NCOA2: variants seen among roughly 807,000 people sequenced by gnomAD.
NCOA2 encodes nuclear receptor coactivator 2, also known as class E basic helix-loop-helix protein 75.
In NCOA2, 21 loss-of-function variants were observed where a neutral mutation model predicts 145.1. That is an observed-to-expected ratio of 0.14 (90% confidence interval 0.10 to 0.21). NCOA2 has a LOEUF of 0.21. NCOA2 is among the 10% of genes least tolerant of loss of function. NCOA2 has a pLI of 1.00. For missense variants in NCOA2, 1,472 were observed against 1,837.6 expected (o/e 0.80, Z 3.64); for synonymous variants, 619 against 637.5 (o/e 0.97, Z 0.44).
chr8:70,129,693 C>T (rs552541965), intron 16 of NCOA2, among the ~76,000 whole-genome samples: 36 of 151,580 alleles, frequency 2.4e-4, no homozygotes, highest in Middle Eastern at 3.4e-3. Context: ...TTTTTTGAGA[C>T]GGAGTTTCGC....
chr8:70,438,419 A>C, the NCOA2 span, among the ~76,000 whole-genome samples: 1 of 151,922 alleles, frequency 6.6e-6, no homozygotes, highest in Non-Finnish European at 1.5e-5. Flanking sequence ...AAATTATCTT[A>C]TTTTACTTGG....
chr8:70,334,932 T>C (rs1305286446), intron 1 of NCOA2, among the ~76,000 whole-genome samples: 1 of 151,820 alleles, frequency 6.6e-6, no homozygotes, highest in Non-Finnish European at 1.5e-5. Context: ...GAGACCAGCC[T>C]GACCGACACG....
the NCOA2 span, among the ~76,000 whole-genome samples, chr8:70,450,570 A>ACTCTTTTT: frequency 3.3e-4 from 20 of 61,134 alleles, no homozygotes; most frequent in Non-Finnish European, 5.6e-4. Context: ...ACTTCTTTTT[A>ACTCTTTTT]TTCTTTTTTT....
intron 3 of NCOA2, among the ~76,000 whole-genome samples, chr8:70,214,450 T>A (rs1682812910): frequency 6.6e-6 from 1 of 152,214 alleles, no homozygotes; most frequent in African/African-American, 2.4e-5. Context: ...TTAAAATTTA[T>A]TTAAGATTAG....
intron 2 of NCOA2, among the ~76,000 whole-genome samples, chr8:70,224,549 G>C (rs762865981): frequency 8.6e-5 from 13 of 151,924 alleles, no homozygotes; most frequent in Non-Finnish European, 1.9e-4. Context: ...TCCAATTTCT[G>C]TTTATTTAAA....
intron 2 of NCOA2, among the ~76,000 whole-genome samples, chr8:70,279,013 C>T (rs1172846613): frequency 6.6e-6 from 1 of 151,996 alleles, no homozygotes; most frequent in Non-Finnish European, 1.5e-5. Flanking sequence ...CTGTATCAAT[C>T]CGTCAATGAA....
intron 1 of NCOA2, among the ~76,000 whole-genome samples, chr8:70,299,837 T>G (rs1827361229): frequency 6.6e-6 from 1 of 152,214 alleles, no homozygotes; most frequent in Non-Finnish European, 1.5e-5. Context: ...TGAATGGAAA[T>G]GTTCACAGCA....
chr8:70,309,158 G>T (rs1297309971), intron 1 of NCOA2, among the ~76,000 whole-genome samples: 1 of 152,060 alleles, frequency 6.6e-6, no homozygotes, highest in Non-Finnish European at 1.5e-5. Flanking sequence ...TAAATGCCCA[G>T]CCAGGCCCCA....
intron 1 of NCOA2, among the ~76,000 whole-genome samples, chr8:70,312,652 C>T (rs1052113658): frequency 2.6e-5 from 4 of 151,974 alleles, no homozygotes; most frequent in African/African-American, 9.7e-5. Flanking sequence ...ATAATTTTTC[C>T]TTATTTCTCT....
chr8:70,133,056 TTAGAG>T (rs1366593176), intron 15 of NCOA2, among the ~76,000 whole-genome samples: 1 of 151,678 alleles, frequency 6.6e-6, no homozygotes, highest in Non-Finnish European at 1.5e-5. Context: ...AATTGTCAGA[TTAGAG>T]TAGAGGAGGG....
intron 16 of NCOA2, 84 bp downstream of exon 16, chr8:70,131,753 C>T (rs903682227): frequency 1.1e-5 from 15 of 1,376,722 alleles, no homozygotes; most frequent in Non-Finnish European, 1.5e-5. Flanking sequence ...AAAAAGCAGA[C>T]CGTGGAGTAC....
At position 70,135,061 on chromosome 8, in the gene NCOA2, C is replaced by T. The variant is rs115177939; in HGVS notation, c.3159-3059G>A. ...ATAGGGTGGTAGTGGTGGTGGGTAACGCCTAACCTTCCCAAACTTAATGTT... is the reference window on the plus strand; with the variant it reads ...ATAGGGTGGTAGTGGTGGTGGGTAATGCCTAACCTTCCCAAACTTAATGTT... On this transcript the variant is annotated intron_variant, in intron 15 of 22. Transcript: ENST00000452400. 6.1e-3 allele frequency among the ~76,000 whole-genome samples: 933 copies of T among 152,234 alleles called. 10 individuals carry two copies. The highest frequency in any genetic ancestry group is 0.021 in the African/African-American group (859 of 41,534).
intron 1 of NCOA2, among the ~76,000 whole-genome samples, chr8:70,326,429 T>TCACA (rs56218328): frequency 0.11 from 15,739 of 149,144 alleles, 1,236 homozygotes; most frequent in Admixed American, 0.27. Context: ...TTTCTCTCTC[T>TCACA]CACACACACA....
At chr8:70,287,075 T>A (rs957985395) in intron 2 of NCOA2, among the ~76,000 whole-genome samples, 1 of 151,988 alleles carries the variant, frequency 6.6e-6, no homozygotes, top group East Asian at 1.9e-4. Flanking sequence ...AAATCCTGTC[T>A]CTACAAAAAA....
chr8:70,405,437 G>GTTTTTTTTTTTTTTTTTTT (rs34814735), upstream of NCOA2, among the ~76,000 whole-genome samples: 8 of 59,388 alleles, frequency 1.3e-4, 1 homozygote, highest in Admixed American at 3.2e-4. Flanking sequence ...ATTTTTAAAG[G>GTTTTTTTTTTTTTTTTTTT]TTTTTTTTTT....
intron 4 of NCOA2, among the ~76,000 whole-genome samples, chr8:70,178,027 G>C (rs770791298): frequency 5.3e-5 from 8 of 152,066 alleles, no homozygotes; most frequent in Non-Finnish European, 1.0e-4. Context: ...ATATTATCAG[G>C]GTATGATAAT....
chr8:70,357,140 A>C (rs1166848307), intron 1 of NCOA2, among the ~76,000 whole-genome samples: 1 of 152,154 alleles, frequency 6.6e-6, no homozygotes, highest in African/African-American at 2.4e-5. Flanking sequence ...ATCAAATTCT[A>C]ATCTTCAAAA....
intron 13 of NCOA2, among the ~76,000 whole-genome samples, chr8:70,142,954 G>GTT (rs757671722): frequency 7.8e-5 from 11 of 140,450 alleles, no homozygotes; most frequent in Non-Finnish European, 1.3e-4. Context: ...TGTTTTTTTT[G>GTT]TTTTTTTTTT....
At chr8:70,295,972 A>C (rs1415674769) in intron 2 of NCOA2, among the ~76,000 whole-genome samples, 1 of 152,208 alleles carries the variant, frequency 6.6e-6, no homozygotes, top group African/African-American at 2.4e-5. Flanking sequence ...TAAGCTTAAT[A>C]AACTATTTCT....
Sources: gnomAD v4.1 joint callset for allele counts (sites outside exome capture counted in the v4.1 genomes callset) on GRCh38, gnomAD v4.1.1 for gene constraint, MANE v1.5 for transcripts, NCBI Gene and HGNC (gene_info 2026-07-23, HGNC 2026-07-21) for gene names.